Variants in P2RY8 observed in about 807,000 individuals in gnomAD.
P2RY8 encodes the protein P2Y receptor family member 8, also known as S-geranylgeranyl-glutathione receptor P2RY8.
A neutral mutation model predicts 10.0 loss-of-function variants in P2RY8; 6 were observed. The observed-to-expected ratio is 0.60, with a 90% CI of 0.33 to 1.19. The LOEUF (loss-of-function observed/expected upper bound fraction) is 1.19. Ranked by LOEUF, P2RY8 falls within the 50% of genes most tolerant of loss-of-function variation. P2RY8 has a pLI of 0.04. For missense variants in P2RY8, 456 were observed against 542.0 expected (o/e 0.84, Z 1.58); for synonymous variants, 276 against 252.5 (o/e 1.09, Z -0.88).
At chrX:1,535,004 T>C (rs748472326) in intron 1 of P2RY8, among the ~76,000 whole-genome samples, 2 of 151,742 alleles carry the variant, frequency 1.3e-5, no homozygotes, top group South Asian at 2.1e-4. Flanking sequence ...AAACACAGGG[T>C]TGCCCACCGT....
At chrX:1,533,527 ATTT>A (rs2092496493) in intron 1 of P2RY8, among the ~76,000 whole-genome samples, 2 of 129,074 alleles carry the variant, frequency 1.5e-5, no homozygotes, top group Non-Finnish European at 3.3e-5. Flanking sequence ...GTATATTTAT[ATTT>A]TATTTATTAT....
At chrX:1,508,750 CTATT>C (rs1470678595) in intron 1 of P2RY8, among the ~76,000 whole-genome samples, 4 of 130,252 alleles carry the variant, frequency 3.1e-5, no homozygotes, top group Admixed American at 8.0e-5. Flanking sequence ...ATCTATCTAT[CTATT>C]TCTATTATCT....
rs2091647900 is a variant in P2RY8 at position 1,465,256 on chromosome X, C to A, written c.*223G>T. The A allele has an allele frequency of 1.5e-6, 1 of 688,068 alleles. No individual in the cohort carries two copies. 42.6% of individuals were successfully genotyped at this position (688,068 alleles called of 1,614,324 possible). ...AACAAGCACCCTGTGCGCTGCTGGG[C>A]TTTGCTTGTTTCTCTACCCTGAGTG... On this transcript the variant is annotated 3_prime_UTR_variant, in exon 2 of 2. Coordinates refer to ENST00000381297, the MANE Select transcript of P2RY8 (RefSeq NM_178129.5).
chrX:1,498,629 T>C (rs2092144255), intron 1 of P2RY8, among the ~76,000 whole-genome samples: 1 of 150,830 alleles, frequency 6.6e-6, no homozygotes, highest in South Asian at 2.1e-4. Flanking sequence ...GCGATTCTCC[T>C]GCCTCAGCCT....
At chrX:1,509,773 CT>C (rs1234539661) in intron 1 of P2RY8, among the ~76,000 whole-genome samples, 37 of 112,066 alleles carry the variant, frequency 3.3e-4, no homozygotes, top group African/African-American at 1.2e-3. Context: ...ATCTATCTAT[CT>C]ATCTATCATC....
chrX:1,522,852 C>A (rs1160409858), intron 1 of P2RY8, among the ~76,000 whole-genome samples: 41 of 151,696 alleles, frequency 2.7e-4, no homozygotes, highest in African/African-American at 9.4e-4. Context: ...GCGGATCACT[C>A]GAGGTCAAGA....
At chrX:1,485,446 G>A (rs1297357612) in intron 1 of P2RY8, among the ~76,000 whole-genome samples, 2 of 151,932 alleles carry the variant, frequency 1.3e-5, no homozygotes, top group African/African-American at 4.8e-5. Context: ...GCCCCTTAAT[G>A]ATGCCTTACT....
At chrX:1,494,174 G>T (rs1286954457) in intron 1 of P2RY8, 2 of 152,276 alleles carry the variant, frequency 1.3e-5, no homozygotes, top group East Asian at 3.8e-4. Context: ...AGCTAGGCAG[G>T]GGGTCCTGGG....
chrX:1,515,590 C>T (rs1356736472), intron 1 of P2RY8, among the ~76,000 whole-genome samples: 1 of 151,198 alleles, frequency 6.6e-6, no homozygotes, highest in Non-Finnish European at 1.5e-5. Context: ...AGGCTGGTCT[C>T]GAACTCCTGA....
At chrX:1,502,596 T>G (rs1347311598) in intron 1 of P2RY8, among the ~76,000 whole-genome samples, 1 of 152,282 alleles carries the variant, frequency 6.6e-6, no homozygotes, top group South Asian at 2.1e-4. Flanking sequence ...CATGCTGGGT[T>G]GGATGGTGGC....
intron 1 of P2RY8, among the ~76,000 whole-genome samples, chrX:1,467,606 G>C (rs1457119510): frequency 6.6e-6 from 1 of 152,240 alleles, no homozygotes; most frequent in South Asian, 2.1e-4. Flanking sequence ...GTCTGTCAAA[G>C]GGACACTACT....
intron 1 of P2RY8, among the ~76,000 whole-genome samples, chrX:1,536,654 GA>G (rs1247950255): frequency 6.6e-6 from 1 of 152,128 alleles, no homozygotes; most frequent in African/African-American, 2.4e-5. Context: ...CTCGGCCTCT[GA>G]AAGTTCATGG....
At chrX:1,524,521 C>T (rs865921577) in intron 1 of P2RY8, among the ~76,000 whole-genome samples, 6 of 143,270 alleles carry the variant, frequency 4.2e-5, no homozygotes, top group Admixed American at 1.4e-4. Flanking sequence ...ATCCATCCAT[C>T]CATCCATTCA....
intron 1 of P2RY8, among the ~76,000 whole-genome samples, chrX:1,530,388 A>G (rs770604758): frequency 6.6e-6 from 1 of 151,288 alleles, no homozygotes; most frequent in Admixed American, 6.6e-5. Flanking sequence ...CTAATCTATC[A>G]TCTATCTCTC....
At chrX:1,486,261 G>T (rs2091985021) in intron 1 of P2RY8, among the ~76,000 whole-genome samples, 1 of 152,090 alleles carries the variant, frequency 6.6e-6, no homozygotes, top group South Asian at 2.1e-4. Flanking sequence ...ACTTGCATAT[G>T]AACGTTCCCT....
At chrX:1,467,886 C>T (rs1399602972) in intron 1 of P2RY8, among the ~76,000 whole-genome samples, 1 of 151,720 alleles carries the variant, frequency 6.6e-6, no homozygotes, top group South Asian at 2.1e-4. Flanking sequence ...GCTATGTTTC[C>T]CAGGCTGGTC....
intron 1 of P2RY8, among the ~76,000 whole-genome samples, chrX:1,521,852 G>A (rs1225120484): frequency 2.6e-5 from 4 of 151,342 alleles, no homozygotes; most frequent in African/African-American, 9.7e-5. Flanking sequence ...AAAGGGTCCC[G>A]CGAAGAGTGT....
intron 1 of P2RY8, among the ~76,000 whole-genome samples, chrX:1,517,936 C>G (rs2092362445): frequency 6.6e-6 from 1 of 150,846 alleles, no homozygotes; most frequent in South Asian, 2.1e-4. Flanking sequence ...TGGTGAAACC[C>G]CATCTCTACT....
At chrX:1,509,781 C>CTATATATT (rs1204139625) in intron 1 of P2RY8, among the ~76,000 whole-genome samples, 1 of 96,152 alleles carries the variant, frequency 1.0e-5, no homozygotes, top group Non-Finnish European at 2.1e-5. Flanking sequence ...ATCTATCTAT[C>CTATATATT]ATCTATGTAT....
Sources: gnomAD v4.1 joint callset for allele counts (sites outside exome capture counted in the v4.1 genomes callset) on GRCh38, gnomAD v4.1.1 for gene constraint, MANE v1.5 for transcripts, NCBI Gene and HGNC (gene_info 2026-07-23, HGNC 2026-07-21) for gene names.